BCAS3: variants seen among roughly 807,000 people sequenced by gnomAD.
BCAS3 encodes the protein BCAS3 microtubule associated cell migration factor.
In BCAS3, 53 loss-of-function variants were observed where a neutral mutation model predicts 116.1. The ratio of observed to expected loss-of-function variants is 0.46; its 90% confidence interval spans 0.37 to 0.57. BCAS3 has a LOEUF of 0.57. BCAS3 is among the 20% of genes least tolerant of loss of function. BCAS3 has a pLI of 0.00. For synonymous variants in BCAS3, 391 were observed against 408.2 expected (o/e 0.96, Z 0.51); for missense variants, 917 against 1,165.4 (o/e 0.79, Z 3.10).
intron 7 of BCAS3, among the ~76,000 whole-genome samples, chr17:60,828,543 T>G (rs1191091534): frequency 6.6e-6 from 1 of 152,196 alleles, no homozygotes; most frequent in African/African-American, 2.4e-5. Flanking sequence ...GGATTTTAAA[T>G]TGGTTATAAT....
At chr17:60,830,629 C>A (rs916113521) in intron 7 of BCAS3, among the ~76,000 whole-genome samples, 6 of 151,892 alleles carry the variant, frequency 4.0e-5, no homozygotes, top group African/African-American at 1.5e-4. Flanking sequence ...TACTGAGGAC[C>A]AAATATTTGA....
intron 6 of BCAS3, among the ~76,000 whole-genome samples, chr17:60,776,311 A>T (rs1206540273): frequency 6.6e-6 from 1 of 152,232 alleles, no homozygotes; most frequent in Non-Finnish European, 1.5e-5. Context: ...TTGGTATTTT[A>T]TTCATATTTT....
Position 61,388,271 on chromosome 17 carries a change from T to A in BCAS3, c.2594-3706T>A, listed in dbSNP as rs902945889. The A allele has an allele frequency of 4.3e-6, 1 of 230,906 alleles. No homozygotes were observed. The highest frequency in any genetic ancestry group is 2.3e-5 in the African/African-American group (1 of 43,856). The allele number at this position is 230,906 out of a possible 1,614,324, so 14.3% of individuals were successfully genotyped here. On this transcript the variant is annotated intron_variant, in intron 23 of 23. Coordinates refer to ENST00000407086, the MANE Select transcript of BCAS3 (RefSeq NM_017679.5). The surrounding 1 kb of genome is among the most constrained non-coding windows in gnomAD (Gnocchi z 6.5). The stretch of plus-strand genomic sequence containing the variant: ...CCCTGTCCTCCTCCAGCAACCCACC[T>A]GCATGGGGTCCCATCTGGCACTGCA...
chr17:61,260,131 G>C (rs2049077305), intron 22 of BCAS3, among the ~76,000 whole-genome samples: 1 of 152,162 alleles, frequency 6.6e-6, no homozygotes, highest in African/African-American at 2.4e-5. Context: ...TAACTTCAAA[G>C]CCCTGTTTCC....
chr17:60,836,105 A>T (rs949039415), intron 7 of BCAS3, among the ~76,000 whole-genome samples: 1 of 152,100 alleles, frequency 6.6e-6, no homozygotes, highest in African/African-American at 2.4e-5. Context: ...GCCCGCATAC[A>T]TTTATAGCCT....
rs1333418894 is a variant in BCAS3 at position 61,333,199 on chromosome 17, G to A, written c.2426-35128G>A. 1.3e-5 allele frequency among the ~76,000 whole-genome samples: 2 copies of A among 152,170 alleles called. No individual in the cohort carries two copies. The highest frequency in any genetic ancestry group is 6.5e-5 in the Admixed American group (1 of 15,274). ...CTGTGTGATCAGAGAAACAAAGTCT[G>A]GTGAGAGGAGCAAGTGCAGTTATGC... is the stretch of plus-strand genomic sequence containing the variant. On this transcript the variant is annotated intron_variant, in intron 22 of 23. Transcript: ENST00000407086. The surrounding 1 kb of genome is among the most constrained non-coding windows in gnomAD (Gnocchi z 4.8).
At chr17:61,039,153 A>G (rs563133372) in intron 18 of BCAS3, among the ~76,000 whole-genome samples, 1 of 152,058 alleles carries the variant, frequency 6.6e-6, no homozygotes, top group Non-Finnish European at 1.5e-5. Context: ...TTCTTTCTCT[A>G]TGGATTTTGC....
chr17:60,685,480 T>C, intron 3 of BCAS3, among the ~76,000 whole-genome samples: 1 of 150,600 alleles, frequency 6.6e-6, no homozygotes, highest in South Asian at 2.1e-4. Flanking sequence ...AAGAACATAG[T>C]CTTTGATATT....
chr17:60,709,244 T>C lies in BCAS3; in HGVS notation c.240T>C (p.His80=). 2 of 1,579,862 alleles carry C rather than the reference T, an allele frequency of 1.3e-6. No individual in the cohort carries two copies. Among genetic ancestry groups the C allele is most frequent in the South Asian group, 1.1e-5 (1 of 89,552 alleles). ...ATACATCAAGAAATCTGGAATTTCA[T>C]GAAATACATAGTACTGGGAATGAAC... ...LNDTSRNLEF[H]EIHSTGNEPP... Residue 80 remains histidine, a synonymous_variant, in exon 5 of 24, where the codon CAT becomes CAC. Transcript: ENST00000407086.
chr17:61,349,351 A>C lies in BCAS3; in HGVS notation c.2426-18976A>C, dbSNP rs2057694001. 6.6e-6 allele frequency among the ~76,000 whole-genome samples: 1 copy of C among 152,178 alleles called. No homozygotes were observed. Among genetic ancestry groups the C allele is most frequent in the Non-Finnish European group, 1.5e-5 (1 of 68,040 alleles). On this transcript the variant is annotated intron_variant, in intron 22 of 23. Coordinates refer to ENST00000407086, the MANE Select transcript of BCAS3 (RefSeq NM_017679.5). The surrounding 1 kb of genome is among the most constrained non-coding windows in gnomAD (Gnocchi z 4.7). ...TTGAGAATCCCCATGATCATGAGCC[A>C]CTGTTACTGATGGAACCATGTCATG...
chr17:61,058,100 T>C (rs1399719768), intron 19 of BCAS3, among the ~76,000 whole-genome samples: 13 of 152,266 alleles, frequency 8.5e-5, no homozygotes, highest in East Asian at 1.9e-4. Context: ...CATTACTGAG[T>C]TTCTCTTTCT....
At chr17:61,317,577 G>A (rs58081353) in intron 22 of BCAS3, among the ~76,000 whole-genome samples, 38,377 of 152,108 alleles carry the variant, frequency 0.25, 6,393 homozygotes, top group African/African-American at 0.47. Context: ...GAGAGGGCTC[G>A]GCGTAGAGAC....
chr17:60,777,319 A>G (rs991798117), intron 6 of BCAS3, among the ~76,000 whole-genome samples: 3 of 152,078 alleles, frequency 2.0e-5, no homozygotes, highest in Non-Finnish European at 4.4e-5. Context: ...GTTTACCTCA[A>G]TCACCACAAC....
intron 19 of BCAS3, among the ~76,000 whole-genome samples, chr17:61,060,054 T>G (rs1021117764): frequency 5.9e-5 from 9 of 152,132 alleles, no homozygotes; most frequent in African/African-American, 2.2e-4. Flanking sequence ...TACCTCACTT[T>G]GTTATACAAG....
chr17:61,357,580 G>T (rs533853404), intron 22 of BCAS3, among the ~76,000 whole-genome samples: 82 of 149,238 alleles, frequency 5.5e-4, no homozygotes, highest in African/African-American at 1.9e-3. Context: ...AGTAGCTGGG[G>T]TTATAGGCGC....
intron 13 of BCAS3, among the ~76,000 whole-genome samples, chr17:60,944,659 A>G (rs1269639188): frequency 2.6e-5 from 4 of 152,156 alleles, no homozygotes; most frequent in Non-Finnish European, 5.9e-5. Context: ...CTAGCTGCTT[A>G]TAATAAAGGA....
intron 10 of BCAS3, among the ~76,000 whole-genome samples, chr17:60,902,093 A>G (rs900739133): frequency 6.6e-6 from 1 of 152,226 alleles, no homozygotes; most frequent in African/African-American, 2.4e-5. Flanking sequence ...TCTGAAGTGG[A>G]CAGCTAATAT....
intron 22 of BCAS3, among the ~76,000 whole-genome samples, chr17:61,142,580 A>G (rs191351184): frequency 2.6e-4 from 40 of 152,302 alleles, no homozygotes; most frequent in African/African-American, 8.9e-4. Flanking sequence ...GGGGGAACGT[A>G]TCATCAGAAA....
chr17:60,994,005 T>A lies in BCAS3; in HGVS notation c.1486+3770T>A, dbSNP rs891203859. Among the ~76,000 whole-genome samples, 1 of 152,122 alleles carries A rather than the reference T, an allele frequency of 6.6e-6. No homozygotes were observed. Among genetic ancestry groups the A allele is most frequent in the African/African-American group, 2.4e-5 (1 of 41,450 alleles). ...CTACTTGAGGACTTCTTGTGATCCA[T>A]GAACAGGATAGGAAAAAAATTTACA... is the stretch of plus-strand genomic sequence containing the variant. On this transcript the variant is annotated intron_variant, in intron 15 of 23. Transcript: ENST00000407086. The surrounding 1 kb of genome is among the most constrained non-coding windows in gnomAD (Gnocchi z 4.4).
Sources: gnomAD v4.1 joint callset for allele counts (sites outside exome capture counted in the v4.1 genomes callset) on GRCh38, gnomAD v4.1.1 for gene constraint, Gnocchi (gnomAD v3.1) non-coding constraint, MANE v1.5 for transcripts, NCBI Gene and HGNC (gene_info 2026-07-23, HGNC 2026-07-21) for gene names.